RYR2: variants seen among roughly 807,000 people sequenced by gnomAD.
RYR2 encodes the protein ryanodine receptor 2.
A neutral mutation model predicts 601.1 loss-of-function variants in RYR2; 227 were observed. The ratio of observed to expected loss-of-function variants is 0.38; its 90% CI spans 0.34 to 0.42. RYR2 has a LOEUF of 0.42. Ranked by LOEUF, RYR2 falls within the 10% of genes least tolerant of loss-of-function variation. The pLI is 1.00. For synonymous variants in RYR2, 2,223 were observed against 2,175.1 expected (o/e 1.02, Z -0.61); for missense variants, 4,646 against 6,156.5 (o/e 0.75, Z 8.21).
In RYR2 at chr1:237,773,512, T is replaced by C; in HGVS notation, c.11647-8T>C. ...TTGATAATAAATAATATCATCTCTA[T>C]TTCCCAGGAATCAATTAGTGACTTT... On this transcript the variant is annotated splice_region_variant and splice_polypyrimidine_tract_variant and intron_variant, in intron 86 of 104. Transcript: ENST00000366574. 1.9e-6 allele frequency: 3 copies of C among 1,571,824 alleles called. No individual in the cohort carries two copies. Among genetic ancestry groups the C allele is most frequent in the Non-Finnish European group, 2.6e-6 (3 of 1,142,518 alleles).
At chr1:237,278,485 G>A (rs1203638293) in intron 2 of RYR2, among the ~76,000 whole-genome samples, 1 of 151,938 alleles carries the variant, frequency 6.6e-6, no homozygotes, top group Non-Finnish European at 1.5e-5. Context: ...CCAGGAAATA[G>A]AAAATATATT....
At chr1:237,374,605 C>T in intron 6 of RYR2, 112 bp from the exon 7 acceptor site, 1 of 820,510 alleles carries the variant, frequency 1.2e-6, no homozygotes. Context: ...CTGCAGTGAG[C>T]TGTGATCACG....
intron 14 of RYR2, among the ~76,000 whole-genome samples, chr1:237,452,572 A>G (rs1658329661): frequency 1.4e-5 from 2 of 147,476 alleles, no homozygotes; most frequent in South Asian, 4.2e-4. Flanking sequence ...TATATACACT[A>G]TATATGTTTT....
At chr1:237,734,764 G>C (rs937582989) in intron 79 of RYR2, among the ~76,000 whole-genome samples, 4 of 152,166 alleles carry the variant, frequency 2.6e-5, no homozygotes, top group African/African-American at 9.7e-5. Flanking sequence ...GAGAGAAGAA[G>C]GCAAAGTAAA....
intron 73 of RYR2, among the ~76,000 whole-genome samples, chr1:237,719,701 G>C (rs1032248889): frequency 2.0e-5 from 3 of 151,570 alleles, no homozygotes; most frequent in African/African-American, 7.3e-5. Flanking sequence ...TTCCACATAA[G>C]GCTGCTAAAC....
At chr1:237,424,342 A>G (rs908246564) in intron 12 of RYR2, among the ~76,000 whole-genome samples, 2 of 152,318 alleles carry the variant, frequency 1.3e-5, no homozygotes, top group South Asian at 2.1e-4. Flanking sequence ...CTACATACTC[A>G]TCTAGGTATA....
chr1:237,359,877 A>G (rs1417753609), intron 4 of RYR2, among the ~76,000 whole-genome samples: 1 of 152,136 alleles, frequency 6.6e-6, no homozygotes, highest in African/African-American at 2.4e-5. Flanking sequence ...AACCTATACC[A>G]TTGGTTTCCA....
chr1:237,201,880 G>T (rs773538514), intron 1 of RYR2, among the ~76,000 whole-genome samples: 2 of 152,038 alleles, frequency 1.3e-5, no homozygotes, highest in Non-Finnish European at 2.9e-5. Flanking sequence ...GGCACCATTT[G>T]GTTCTATCTG....
intron 10 of RYR2, among the ~76,000 whole-genome samples, chr1:237,404,139 A>G (rs954576739): frequency 6.6e-6 from 1 of 152,184 alleles, no homozygotes; most frequent in Non-Finnish European, 1.5e-5. Context: ...CTGTAGTTCT[A>G]CATAATCGGG....
chr1:237,116,173 C>T (rs542717162), intron 1 of RYR2, among the ~76,000 whole-genome samples: 1 of 152,134 alleles, frequency 6.6e-6, no homozygotes, highest in South Asian at 2.1e-4. Flanking sequence ...GAGCAGGTGC[C>T]ATCTTGTCCT....
rs980734364 is a variant in RYR2 at position 237,423,181 on chromosome 1, A to T, written c.938A>T (p.Asn313Ile). ...GKYLSLMEDK[N>I]LLLMDKEKAD... Reference sequence around the variant, plus strand: ...TACTTGAGTCTCATGGAAGACAAAAACCTTCTACTCATGGACAAAGAGAAA... The same window carrying T: ...TACTTGAGTCTCATGGAAGACAAAATCCTTCTACTCATGGACAAAGAGAAA... The change falls in exon 12 of 105, where the codon AAC (asparagine) becomes ATC (isoleucine). Residue 313 changes from asparagine (N) to isoleucine (I), a missense_variant. Asn to Ile is a moderately radical substitution (Grantham distance 149). Around this residue, in one of 17 missense-constraint regions of RYR2, gnomAD observed 1,807 missense variants for 2,088.1 expected, o/e 0.87. Transcript: ENST00000366574. The T allele has an allele frequency of 2.5e-6, 4 of 1,613,734 alleles. No individual in the cohort carries two copies. Among genetic ancestry groups the T allele is most frequent in the Middle Eastern group, 1.6e-4 (1 of 6,084 alleles).
chr1:237,542,112 A>T (rs1669351471), intron 25 of RYR2, among the ~76,000 whole-genome samples: 1 of 150,152 alleles, frequency 6.7e-6, no homozygotes, highest in Admixed American at 6.6e-5. Flanking sequence ...ATTTATTTTG[A>T]GACAGAGTTT....
At chr1:237,658,831 A>G (rs1683493210) in intron 54 of RYR2, among the ~76,000 whole-genome samples, 1 of 152,232 alleles carries the variant, frequency 6.6e-6, no homozygotes, top group South Asian at 2.1e-4. Context: ...CTAAAAATAG[A>G]TTACATCGGC....
intron 2 of RYR2, among the ~76,000 whole-genome samples, chr1:237,299,154 T>C (rs1339725076): frequency 6.7e-6 from 1 of 149,092 alleles, no homozygotes; most frequent in Non-Finnish European, 1.5e-5. Flanking sequence ...CATTTCATAG[T>C]TCTACATAGG....
At chr1:237,462,301 A>G (rs759423697) in intron 16 of RYR2, among the ~76,000 whole-genome samples, 1 of 152,226 alleles carries the variant, frequency 6.6e-6, no homozygotes, top group Non-Finnish European at 1.5e-5. Flanking sequence ...AGGTGGGAAT[A>G]AGAATCTATA....
intron 95 of RYR2, among the ~76,000 whole-genome samples, chr1:237,794,745 A>G (rs993751239): frequency 6.6e-6 from 1 of 152,234 alleles, no homozygotes; most frequent in African/African-American, 2.4e-5. Context: ...TACATGATAC[A>G]TGTTTATCCT....
At chr1:237,135,602 T>C (rs1359064367) in intron 1 of RYR2, among the ~76,000 whole-genome samples, 2 of 151,216 alleles carry the variant, frequency 1.3e-5, no homozygotes, top group Admixed American at 6.6e-5. Flanking sequence ...GGTCTCGATC[T>C]CCTGAACTTG....
At chr1:237,192,231 C>T (rs1680043745) in intron 1 of RYR2, among the ~76,000 whole-genome samples, 1 of 151,642 alleles carries the variant, frequency 6.6e-6, no homozygotes, top group African/African-American at 2.4e-5. Context: ...TGTTTTGAGA[C>T]AGAGTCTCGC....
intron 1 of RYR2, among the ~76,000 whole-genome samples, chr1:237,054,946 G>A (rs1247313242): frequency 6.6e-6 from 1 of 151,852 alleles, no homozygotes; most frequent in Non-Finnish European, 1.5e-5. Context: ...ATGTTCAGGA[G>A]CCTCCTACTC....
Sources: allele counts gnomAD v4.1 joint callset (sites outside exome capture counted in the v4.1 genomes callset), GRCh38; gene constraint gnomAD v4.1.1; regional missense constraint gnomAD v4.1.1; transcripts MANE v1.5; gene names NCBI Gene and HGNC (gene_info 2026-07-23, HGNC 2026-07-21).